Variants in PRKG1 observed in about 807,000 individuals in gnomAD.
PRKG1 encodes cGMP-dependent protein kinase 1.
PRKG1 carries 35 observed loss-of-function variants against 88.1 expected under a neutral mutation model. That is an observed-to-expected ratio of 0.40 (90% CI 0.30 to 0.53). The LOEUF (loss-of-function observed/expected upper bound fraction) is 0.53, where lower values mean the gene tolerates loss of function less well. Among genes scored for constraint, PRKG1 ranks in the 20% least tolerant of loss-of-function variants. The probability of loss-of-function intolerance (pLI) is 0.59; values close to 1 mark genes in which losing one functional copy is unlikely to be tolerated. For missense variants in PRKG1, 540 were observed against 839.8 expected (o/e 0.64, Z 4.41); for synonymous variants, 303 against 292.5 (o/e 1.04, Z -0.37).
chr10:51,375,220 T>A (rs1842793345), intron 2 of PRKG1, among the ~76,000 whole-genome samples: 1 of 151,988 alleles, frequency 6.6e-6, no homozygotes, highest in Non-Finnish European at 1.5e-5. Flanking sequence ...TTATTTAACT[T>A]GTATATGCAT....
At chr10:51,524,468 G>A (rs1841825841) in intron 3 of PRKG1, among the ~76,000 whole-genome samples, 1 of 152,202 alleles carries the variant, frequency 6.6e-6, no homozygotes, top group African/African-American at 2.4e-5. Context: ...GAAGGGGTAT[G>A]TCTGTGTAGC....
At chr10:52,278,823 A>T (rs1386036459) in intron 12 of PRKG1, among the ~76,000 whole-genome samples, 1 of 151,754 alleles carries the variant, frequency 6.6e-6, no homozygotes, top group African/African-American at 2.4e-5. Context: ...GGATCACTTG[A>T]ACCCAGGAGG....
chr10:51,191,439 A>C lies in PRKG1; in HGVS notation c.478+38109A>C, dbSNP rs141955163. On this transcript the variant is annotated intron_variant, in intron 2 of 17. Coordinates refer to ENST00000373980, the MANE Select transcript of PRKG1 (RefSeq NM_006258.4). ...TGGTGAAGAATAAATGCGTGTAAAT[A>C]ATTGGAGCAGTGTCTGGCTCATAGT... Among the ~76,000 whole-genome samples the C allele has an allele frequency of 2.5e-3, 378 of 151,962 alleles. 1 individual carries two copies. Among genetic ancestry groups the C allele is most frequent in the African/African-American group, 8.8e-3 (364 of 41,510 alleles).
At chr10:51,164,561 GA>G (rs1280646094) in intron 2 of PRKG1, among the ~76,000 whole-genome samples, 3 of 152,202 alleles carry the variant, frequency 2.0e-5, no homozygotes, top group Non-Finnish European at 4.4e-5. Context: ...TGACTTTCAC[GA>G]GTTGAGAGAA....
At chr10:51,311,911 A>G (rs1470435805) in intron 2 of PRKG1, among the ~76,000 whole-genome samples, 1 of 151,768 alleles carries the variant, frequency 6.6e-6, no homozygotes, top group Non-Finnish European at 1.5e-5. Flanking sequence ...CACTCTTGTT[A>G]CCCAGGTTGG....
At chr10:51,881,792 C>A (rs999855083) in intron 4 of PRKG1, among the ~76,000 whole-genome samples, 1 of 152,062 alleles carries the variant, frequency 6.6e-6, no homozygotes, top group East Asian at 1.9e-4. Context: ...ATAAATATAG[C>A]ATATTTGAAA....
intron 2 of PRKG1, among the ~76,000 whole-genome samples, chr10:51,153,782 G>T (rs149434449): frequency 1.2e-4 from 18 of 152,072 alleles, no homozygotes; most frequent in African/African-American, 4.1e-4. Context: ...TCATGTGTAT[G>T]ACAGAGGCAG....
intron 2 of PRKG1, among the ~76,000 whole-genome samples, chr10:51,230,532 C>T (rs74133544): frequency 1.3e-5 from 2 of 152,162 alleles, no homozygotes; most frequent in Admixed American, 1.3e-4. Context: ...TGAAAAATGT[C>T]TGGTCCATAC....
intron 8 of PRKG1, among the ~76,000 whole-genome samples, chr10:52,138,987 G>A (rs10508967): frequency 0.38 from 58,160 of 151,828 alleles, 11,774 homozygotes; most frequent in East Asian, 0.64. Context: ...TTACTGAAGA[G>A]GATTAGACAC....
chr10:52,060,028 T>G (rs950310743), intron 6 of PRKG1, among the ~76,000 whole-genome samples: 2 of 151,708 alleles, frequency 1.3e-5, no homozygotes, highest in African/African-American at 4.8e-5. Context: ...ACAGTAGATA[T>G]CAAGACCTAT....
intron 3 of PRKG1, among the ~76,000 whole-genome samples, chr10:51,577,145 C>A (rs895227089): frequency 2.0e-5 from 3 of 151,908 alleles, no homozygotes; most frequent in African/African-American, 7.2e-5. Context: ...TATCTAAAAG[C>A]TTTTCCTGGA....
Position 51,849,335 on chromosome 10 carries a change from T to C in PRKG1, c.698+44645T>C, listed in dbSNP as rs191183982. On this transcript the variant is annotated intron_variant, in intron 4 of 17. Transcript: ENST00000373980. The stretch of plus-strand genomic sequence containing the variant: ...CTAACCATTTGAAAAAGCCTTAGAA[T>C]GGTCAGCCATAAAACGAGTATTAAG... 8.9e-4 allele frequency among the ~76,000 whole-genome samples: 135 copies of C among 152,290 alleles called. 1 individual carries two copies. Among genetic ancestry groups the C allele is most frequent in the African/African-American group, 3.0e-3 (124 of 41,570 alleles).
In PRKG1 at chr10:51,129,902, G is replaced by A. The variant is rs1398278594; in HGVS notation, c.312-23262G>A. On this transcript the variant is annotated intron_variant, in intron 1 of 17. Transcript: ENST00000373980. ...ATAGGGCTTCCAGGAGCCTCAAGGT[G>A]TAGGACTTTCCAAAGACAGTGGAGT... Among the ~76,000 whole-genome samples the A allele has an allele frequency of 3.9e-5, 6 of 152,164 alleles. No individual in the cohort carries two copies. In the East Asian group the frequency reaches 9.6e-4, roughly 24 times the overall value.
At chr10:52,141,306 G>A (rs1292438122) in intron 8 of PRKG1, among the ~76,000 whole-genome samples, 3 of 152,116 alleles carry the variant, frequency 2.0e-5, no homozygotes, top group African/African-American at 4.8e-5. Context: ...CATTCGAAAA[G>A]GAGTATACCC....
intron 3 of PRKG1, among the ~76,000 whole-genome samples, chr10:51,731,495 C>T (rs1842270239): frequency 6.6e-6 from 1 of 152,006 alleles, no homozygotes. Flanking sequence ...ATTAGTAGGC[C>T]TGAAGAAAGA....
intron 1 of PRKG1, among the ~76,000 whole-genome samples, chr10:51,127,304 G>T (rs1182914855): frequency 6.6e-6 from 1 of 152,104 alleles, no homozygotes; most frequent in East Asian, 1.9e-4. Flanking sequence ...CAAAGGATAT[G>T]AATAGACACT....
At chr10:52,014,943 G>T (rs1267461383) in intron 5 of PRKG1, among the ~76,000 whole-genome samples, 1 of 152,250 alleles carries the variant, frequency 6.6e-6, no homozygotes, top group African/African-American at 2.4e-5. Context: ...TGCCTCTGTG[G>T]CTCTTCAGGG....
chr10:51,566,357 A>C (rs1837603412), intron 3 of PRKG1, among the ~76,000 whole-genome samples: 1 of 152,062 alleles, frequency 6.6e-6, no homozygotes, highest in South Asian at 2.1e-4. Context: ...CCCTAAACCA[A>C]GCAGTTCTTT....
chr10:51,091,199 G>A (rs1844389642), intron 1 of PRKG1, among the ~76,000 whole-genome samples: 1 of 152,120 alleles, frequency 6.6e-6, no homozygotes, highest in Non-Finnish European at 1.5e-5. Context: ...TGTAATACAA[G>A]AAAGATTATT....
Sources: gnomAD v4.1 joint callset for allele counts (sites outside exome capture counted in the v4.1 genomes callset) on GRCh38, gnomAD v4.1.1 for gene constraint, MANE v1.5 for transcripts, NCBI Gene and HGNC (gene_info 2026-07-23, HGNC 2026-07-21) for gene names.